FADS6: variants seen among roughly 807,000 people sequenced by gnomAD.
The protein encoded by FADS6 is fatty acid desaturase domain family, member 6.
A neutral mutation model predicts 31.7 loss-of-function variants in FADS6; 28 were observed. The observed-to-expected ratio is 0.88, with a 90% CI of 0.66 to 1.21. The LOEUF (loss-of-function observed/expected upper bound fraction) is 1.21. Among genes scored for constraint, FADS6 ranks in the 50% most tolerant of loss-of-function variants. The probability of loss-of-function intolerance (pLI) is 0.00; values close to 1 mark genes in which losing one functional copy is unlikely to be tolerated. For synonymous variants in FADS6, 191 were observed against 213.1 expected (o/e 0.90, Z 0.90); for missense variants, 494 against 504.2 (o/e 0.98, Z 0.19).
In FADS6 at chr17:74,892,506, CCTT is replaced by C; in HGVS notation, c.411+14_411+16del. 1 of 1,607,856 alleles carries C rather than the reference CCTT, an allele frequency of 6.2e-7. No homozygotes were observed. The highest frequency in any genetic ancestry group is 8.5e-7 in the Non-Finnish European group (1 of 1,177,004). On this transcript the variant is annotated intron_variant, in intron 2 of 5. Coordinates refer to ENST00000612771, the MANE Select transcript of FADS6 (RefSeq NM_178128.6). ...CGGTCCCAGCAGCTGCCTGCATCCT[CCTT>C]CTCCCAGGCTCACCTCCACAAAGAA...
chr17:74,892,020 C>CA (rs1221964772), intron 2 of FADS6, among the ~76,000 whole-genome samples: 1 of 152,144 alleles, frequency 6.6e-6, no homozygotes, highest in African/African-American at 2.4e-5. Flanking sequence ...GTAAGAAGGC[C>CA]AAGGTCGAAC....
intron 2 of FADS6, among the ~76,000 whole-genome samples, chr17:74,891,178 C>G (rs2038684367): frequency 7.2e-6 from 1 of 139,188 alleles, no homozygotes; most frequent in Non-Finnish European, 1.5e-5. Flanking sequence ...GCTGGGATTA[C>G]AGGTGCGTGC....
At chr17:74,883,188 C>T (rs2038591432) in intron 2 of FADS6, among the ~76,000 whole-genome samples, 1 of 152,236 alleles carries the variant, frequency 6.6e-6, no homozygotes, top group Non-Finnish European at 1.5e-5. Context: ...CATCCCCTGA[C>T]CAGTCCACAA....
intron 5 of FADS6, chr17:74,879,123 C>G (rs1002858937): frequency 5.6e-6 from 2 of 356,448 alleles, no homozygotes; most frequent in Non-Finnish European, 1.0e-5. Flanking sequence ...ATTGCAGCCT[C>G]AACCTCTGCA....
Position 74,882,525 on chromosome 17 carries a change from C to G in FADS6, c.592+5G>C, listed in dbSNP as rs1170248479. 1.2e-6 allele frequency: 2 copies of G among 1,605,984 alleles called. No individual in the cohort carries two copies. The highest frequency in any genetic ancestry group is 4.5e-5 in the East Asian group (2 of 44,710). On this transcript the variant is annotated splice_donor_5th_base_variant and intron_variant, in intron 3 of 5. Transcript: ENST00000612771. ...CACTGCGGACCGGGCTCTCATGGCA[C>G]TCACCGACAGCCACCAGTGGAGTGG...
chr17:74,885,534 G>T (rs769156221), intron 2 of FADS6, among the ~76,000 whole-genome samples: 1 of 152,128 alleles, frequency 6.6e-6, no homozygotes, highest in African/African-American at 2.4e-5. Context: ...GATCCAGCCC[G>T]GAAGCCCTCC....
intron 1 of FADS6, 37 bp downstream of exon 1, chr17:74,893,315 C>A: frequency 6.7e-7 from 1 of 1,494,450 alleles, no homozygotes. Flanking sequence ...CCCCCACCCG[C>A]AGCCCGGCCG....
intron 2 of FADS6, 193 bp from the exon 3 acceptor site, chr17:74,882,903 G>C: frequency 7.0e-7 from 1 of 1,432,226 alleles, no homozygotes; most frequent in South Asian, 1.4e-5. Flanking sequence ...GTGGCAGCCA[G>C]TCAATACAAT....
chr17:74,878,949 G>A (rs181994015), intron 5 of FADS6: 124 of 200,230 alleles, frequency 6.2e-4, no homozygotes, highest in South Asian at 2.4e-3. Context: ...GGATACACTG[G>A]GCTGCCCTTC....
downstream of FADS6, among the ~76,000 whole-genome samples, chr17:74,876,538 T>G (rs2038509433): frequency 1.3e-5 from 2 of 152,220 alleles, no homozygotes. Context: ...GGCTCACACC[T>G]GTAATCCTAG....
At position 74,878,169 on chromosome 17, in the gene FADS6, C is replaced by T. The variant is rs1378191455; in HGVS notation, c.*162G>A. ...CAGAAAAGCACGCAAGGCAGGTGGCCCCCAGACCCCAGGCCTGAGCTCCCC... is the reference window on the plus strand; with the variant it reads ...CAGAAAAGCACGCAAGGCAGGTGGCTCCCAGACCCCAGGCCTGAGCTCCCC... On this transcript the variant is annotated 3_prime_UTR_variant, in exon 6 of 6. Transcript: ENST00000612771. The T allele has an allele frequency of 1.1e-5, 16 of 1,427,798 alleles. No homozygotes were observed. The highest frequency in any genetic ancestry group is 1.2e-5 in the Non-Finnish European group (13 of 1,096,704). The allele number at this position is 1,427,798 out of a possible 1,614,324, so 88.4% of individuals were successfully genotyped here. A position where few individuals can be genotyped will look rare whatever the true frequency, so the allele number is the denominator to read the frequency against.
In FADS6 at chr17:74,893,389, G is replaced by T. The variant is rs1161373343; in HGVS notation, c.207C>A (p.Cys69Ter). Residue 69 changes from cysteine (C) to a stop codon, truncating the protein, a stop_gained, in exon 1 of 6, where the codon TGC becomes TGA. Transcript: ENST00000612771. LOFTEE classifies it high-confidence loss of function. The part of the protein sequence containing the change: ...SSWWERHGVD[C>*]AILALSLFAL... The stretch of plus-strand genomic sequence containing the variant: ...CGAAGAGGCTGAGCGCGAGGATGGC[G>T]CAGTCCACGCCGTGGCGCTCCCACC... 3 of 1,536,584 alleles carry T rather than the reference G, an allele frequency of 2.0e-6. 1 individual carries two copies. Among genetic ancestry groups the T allele is most frequent in the Admixed American group, 4.0e-5 (2 of 50,430 alleles).
Position 74,879,539 on chromosome 17 carries a change from C to G in FADS6, c.825G>C (p.Arg275=), listed in dbSNP as rs367720047. Residue 275 remains arginine (R), a synonymous_variant, in exon 5 of 6, where the codon CGG becomes CGC. Coordinates refer to ENST00000612771, the MANE Select transcript of FADS6 (RefSeq NM_178128.6). Reference sequence around the variant, plus strand: ...GCACCCCCAGGCTCATCATGTGAATCCGACGGGGCTTGTTGTCCCGGGAGA... The same window carrying G: ...GCACCCCCAGGCTCATCATGTGAATGCGACGGGGCTTGTTGTCCCGGGAGA... ...PMFSRDNKPR[R]IHMMSLGVLN... 173 of 1,613,588 alleles carry G rather than the reference C, an allele frequency of 1.1e-4. No homozygotes were observed. The African/African-American group carries it at 1.8e-3, about 17-fold the overall frequency.
In FADS6 at chr17:74,879,567, A is replaced by T. The variant is rs2038545952; in HGVS notation, c.797T>A (p.Met266Lys). The change falls in exon 5 of 6, where the codon ATG (methionine) becomes AAG (lysine). Residue 266 changes from methionine to lysine, a missense_variant. Transcript: ENST00000612771. Reference protein sequence around the residue: ...VNIFQHIGLPMFSRDNKPRRI... With the variant: ...VNIFQHIGLPKFSRDNKPRRI... ...ACGGGGCTTGTTGTCCCGGGAGAACATGGGCAGTCCGATGTGCTGTGACAG... is the reference window on the plus strand; with the variant it reads ...ACGGGGCTTGTTGTCCCGGGAGAACTTGGGCAGTCCGATGTGCTGTGACAG... 1 of 1,612,610 alleles carries T rather than the reference A, an allele frequency of 6.2e-7. No homozygotes were observed. The highest frequency in any genetic ancestry group is 8.5e-7 in the Non-Finnish European group (1 of 1,179,712).
Position 74,878,380 on chromosome 17 carries a change from T to A in FADS6, c.1058A>T (p.Glu353Val), listed in dbSNP as rs1598551739. ...ARFQLFLRRYEEFMVQAPPIT... is the reference protein window; with the variant it reads ...ARFQLFLRRYVEFMVQAPPIT... ...GGGTGGGGCCTGCACCATGAATTCC[T>A]CATAGCGACGGAGAAACAGCTGGAA... is the stretch of plus-strand genomic sequence containing the variant. The change falls in exon 6 of 6, where the codon GAG (glutamate) becomes GTG (valine). Residue 353 changes from glutamate (E) to valine (V), a missense_variant. Glu to Val is a moderately radical substitution (Grantham distance 121). Transcript: ENST00000612771. The A allele has an allele frequency of 5.0e-6, 8 of 1,613,848 alleles. No homozygotes were observed. In the East Asian group the frequency reaches 1.8e-4, roughly 36 times the overall value.
chr17:74,877,203 ATTC>A (rs1336697482), downstream of FADS6: 1 of 150,560 alleles, frequency 6.6e-6, no homozygotes, highest in Non-Finnish European at 1.5e-5. Context: ...CCTCCTACAA[ATTC>A]TTCTCTCTCC....
In FADS6 at chr17:74,882,510, C is replaced by A; in HGVS notation, c.592+20G>T. 6 of 1,597,498 alleles carry A rather than the reference C, an allele frequency of 3.8e-6. No individual in the cohort carries two copies. Among genetic ancestry groups the A allele is most frequent in the Non-Finnish European group, 5.1e-6 (6 of 1,171,554 alleles). ...TAGGTCCATGCAGGACACTGCGGAC[C>A]GGGCTCTCATGGCACTCACCGACAG... is the stretch of plus-strand genomic sequence containing the variant. On this transcript the variant is annotated intron_variant, in intron 3 of 5. Transcript: ENST00000612771.
chr17:74,881,043 G>T, intron 4 of FADS6, 25 bp downstream of exon 4: 1 of 1,600,840 alleles, frequency 6.2e-7, no homozygotes, highest in South Asian at 1.1e-5. Flanking sequence ...TAGCTGCCCA[G>T]CGCCCCAGGT....
intron 2 of FADS6, among the ~76,000 whole-genome samples, chr17:74,890,472 C>T (rs1027853659): frequency 5.9e-5 from 9 of 152,108 alleles, no homozygotes. Flanking sequence ...CTACTCGGGC[C>T]CTGTTCCTCA....
Sources: gnomAD v4.1 joint callset for allele counts (sites outside exome capture counted in the v4.1 genomes callset) on GRCh38, gnomAD v4.1.1 for gene constraint, MANE v1.5 for transcripts, NCBI Gene and HGNC (gene_info 2026-07-23, HGNC 2026-07-21) for gene names.